Variants in TXNL1 observed in about 807,000 individuals in gnomAD.
TXNL1 encodes the protein thioredoxin-like protein 1.
In TXNL1, 14 loss-of-function variants were observed where a neutral mutation model predicts 35.5. The observed-to-expected ratio is 0.39, with a 90% CI of 0.26 to 0.62. The LOEUF is 0.62. TXNL1 is among the 20% of genes least tolerant of loss of function. The pLI, the probability that TXNL1 is intolerant of heterozygous loss-of-function variation, is 0.47. For synonymous variants in TXNL1, 110 were observed against 115.5 expected (o/e 0.95, Z 0.31); for missense variants, 263 against 349.7 (o/e 0.75, Z 1.98).
At chr18:56,620,226 A>G (rs1429004084) in intron 3 of TXNL1, among the ~76,000 whole-genome samples, 1 of 152,132 alleles carries the variant, frequency 6.6e-6, no homozygotes, top group East Asian at 1.9e-4. Flanking sequence ...TCAGCCTCCC[A>G]AAGTGCTGGG....
At chr18:56,637,067 TG>T (rs1188710415) in intron 1 of TXNL1, among the ~76,000 whole-genome samples, 1 of 152,202 alleles carries the variant, frequency 6.6e-6, no homozygotes, top group Non-Finnish European at 1.5e-5. Context: ...GTATATCATA[TG>T]GGTACTCTAG....
At chr18:56,616,199 T>C in intron 5 of TXNL1, 46 bp downstream of exon 5, 1 of 1,538,660 alleles carries the variant, frequency 6.5e-7, no homozygotes, top group Non-Finnish European at 8.9e-7. Context: ...TGCTAACAGT[T>C]CTACAAAGCA....
rs1180901207 is a variant in TXNL1 at position 56,618,129 on chromosome 18, G to A, written c.370-3C>T. 64 of 1,607,622 alleles carry A rather than the reference G, an allele frequency of 4.0e-5. No homozygotes were observed. The highest frequency in any genetic ancestry group is 5.4e-5 in the Non-Finnish European group (64 of 1,177,062). ...TTAATAAAAGGCATTAAATCCATCT[G>A]AAAAAAAATTGCAAGATTTTAGGCA... On this transcript the variant is annotated splice_polypyrimidine_tract_variant and splice_region_variant and intron_variant, in intron 3 of 7. Coordinates refer to ENST00000217515, the MANE Select transcript of TXNL1 (RefSeq NM_004786.3).
In TXNL1 at chr18:56,634,847, C is replaced by A. The variant is rs990887745; in HGVS notation, c.98+3496G>T. 2.6e-5 allele frequency among the ~76,000 whole-genome samples: 4 copies of A among 152,098 alleles called. No individual in the cohort carries two copies. The East Asian group carries it at 7.7e-4, about 29-fold the overall frequency. On this transcript the variant is annotated intron_variant, in intron 1 of 7. Transcript: ENST00000217515. ...AATTTAAAACTCATGCATCAAAGGA[C>A]ACCATCAAGAAAAAGACAACCCAAA...
chr18:56,617,228 C>T (rs1343469431), intron 4 of TXNL1, among the ~76,000 whole-genome samples: 13 of 152,078 alleles, frequency 8.5e-5, no homozygotes, highest in Non-Finnish European at 4.4e-5. Flanking sequence ...TTTAGTTACA[C>T]CAATACTTTT....
rs188152026 is a variant in TXNL1, at chr18:56,629,871, C to T, written c.99-3414G>A. Among the ~76,000 whole-genome samples, 29 of 152,070 alleles carry T rather than the reference C, an allele frequency of 1.9e-4. No individual in the cohort carries two copies. The East Asian group carries it at 5.6e-3, about 29-fold the overall frequency. On this transcript the variant is annotated intron_variant, in intron 1 of 7. Transcript: ENST00000217515. ...AGTTTGTTGGCAAACTACTTGAAAC[C>T]CATGCAATTTTGTAACAAGATCAGT...
chr18:56,626,291 A>G, intron 2 of TXNL1, 70 bp downstream of exon 2: 2 of 1,553,978 alleles, frequency 1.3e-6, no homozygotes, highest in Non-Finnish European at 1.7e-6. Flanking sequence ...AGATAAATGA[A>G]GAATATTAAT....
At chr18:56,635,693 A>G (rs1185401179) in intron 1 of TXNL1, among the ~76,000 whole-genome samples, 1 of 152,154 alleles carries the variant, frequency 6.6e-6, no homozygotes, top group Admixed American at 6.5e-5. Context: ...ATGGATATAG[A>G]ATTTCTGTCT....
chr18:56,638,470 G>C lies in TXNL1; in HGVS notation c.-30C>G, dbSNP rs766466752. On this transcript the variant is annotated 5_prime_UTR_variant, in exon 1 of 8. Transcript: ENST00000217515. ...ACAGAGAGCCCGGCAGGGTGGCCGC[G>C]ACGCCACTGGCTTTGAAACTGAAGG... 1.9e-6 allele frequency: 3 copies of C among 1,598,576 alleles called. No individual in the cohort carries two copies. Among genetic ancestry groups the C allele is most frequent in the Non-Finnish European group, 2.6e-6 (3 of 1,170,648 alleles).
At chr18:56,619,514 G>A (rs2024146536) in intron 3 of TXNL1, among the ~76,000 whole-genome samples, 1 of 143,218 alleles carries the variant, frequency 7.0e-6, no homozygotes, top group Non-Finnish European at 1.5e-5. Flanking sequence ...CTCCAGCCTG[G>A]GGACAGAGCA....
intron 3 of TXNL1, 60 bp from the exon 4 acceptor site, chr18:56,618,186 A>G: frequency 6.5e-7 from 1 of 1,535,754 alleles, no homozygotes; most frequent in Non-Finnish European, 8.9e-7. Flanking sequence ...AAATGTTTAA[A>G]AAATTTAAAT....
rs1441945927 is a variant in TXNL1, at chr18:56,601,381, AC to A, written c.*1645del. 1.3e-5 allele frequency: 2 copies of A among 152,238 alleles called. No individual in the cohort carries two copies. Among genetic ancestry groups the A allele is most frequent in the Admixed American group, 1.3e-4 (2 of 15,280 alleles). 9.4% of individuals were successfully genotyped at this position (152,238 alleles called of 1,614,324 possible). A position where few individuals can be genotyped will look rare whatever the true frequency, so the allele number is the denominator to read the frequency against. ...GAAATTTGTTTCACTGGGTTTTCAAACTATCAAGTATAAATAGGAAAAGGTC... is the reference window on the plus strand; with the variant it reads ...GAAATTTGTTTCACTGGGTTTTCAAATATCAAGTATAAATAGGAAAAGGTC... On this transcript the variant is annotated 3_prime_UTR_variant, in exon 8 of 8. Coordinates refer to ENST00000217515, the MANE Select transcript of TXNL1 (RefSeq NM_004786.3).
At position 56,602,740 on chromosome 18, in the gene TXNL1, C is replaced by CACTT; in HGVS notation, c.*283_*286dup. The stretch of plus-strand genomic sequence containing the variant: ...GGCTTTCAATCAATATACTACCAGA[C>CACTT]ACTTAAGTCTCTACTAAAATCAGAA... On this transcript the variant is annotated 3_prime_UTR_variant, in exon 8 of 8. Transcript: ENST00000217515. 2.0e-6 allele frequency: 1 copy of CACTT among 509,560 alleles called. No individual in the cohort carries two copies. Among genetic ancestry groups the CACTT allele is most frequent in the Non-Finnish European group, 3.5e-6 (1 of 288,430 alleles). The allele number at this position is 509,560 out of a possible 1,614,324, so 31.6% of individuals were successfully genotyped here.
At chr18:56,631,992 T>TG (rs2024379857) in intron 1 of TXNL1, among the ~76,000 whole-genome samples, 1 of 150,674 alleles carries the variant, frequency 6.6e-6, no homozygotes, top group Non-Finnish European at 1.5e-5. Flanking sequence ...AATTAACCAG[T>TG]AAGTAAGAAG....
At position 56,600,477 on chromosome 18, in the gene TXNL1, T is replaced by G. The variant is rs971088716; in HGVS notation, c.*2550A>C. ...ACTGGGGAACAATGTGGGGCAGGTT[T>G]CAACTCTAATTGTTACGTGGCTGCC... On this transcript the variant is annotated 3_prime_UTR_variant, in exon 8 of 8. Transcript: ENST00000217515. 1 of 150,566 alleles carries G rather than the reference T, an allele frequency of 6.6e-6. No homozygotes were observed. Among genetic ancestry groups the G allele is most frequent in the East Asian group, 2.0e-4 (1 of 5,064 alleles). 9.3% of individuals were successfully genotyped at this position (150,566 alleles called of 1,614,324 possible).
chr18:56,621,551 G>A (rs575645462), intron 3 of TXNL1, among the ~76,000 whole-genome samples: 35 of 152,232 alleles, frequency 2.3e-4, no homozygotes, highest in Admixed American at 2.0e-4. Flanking sequence ...AACTGTCTGG[G>A]ACAAACTGGC....
In TXNL1 at chr18:56,638,396, T is replaced by A. The variant is rs373231427; in HGVS notation, c.45A>T (p.Pro15=). 1 of 1,613,504 alleles carries A rather than the reference T, an allele frequency of 6.2e-7. No homozygotes were observed. The highest frequency in any genetic ancestry group is 8.5e-7 in the Non-Finnish European group (1 of 1,179,792). The change falls in exon 1 of 8, where the codon CCA becomes CCT. Residue 15 remains proline (P), a synonymous_variant. Transcript: ENST00000217515. ...GTCTGGAGCCCGCGCCGCTCAGCTC[T>A]GGCTGGAAATCCGGGTCGCTCCCGA... ...KPVGSDPDFQ[P]ELSGAGSRLA...
chr18:56,633,023 C>T (rs1184714159), intron 1 of TXNL1, among the ~76,000 whole-genome samples: 3 of 152,162 alleles, frequency 2.0e-5, no homozygotes, highest in Non-Finnish European at 4.4e-5. Flanking sequence ...TAGAACTCAA[C>T]ATCCTAATAT....
intron 6 of TXNL1, among the ~76,000 whole-genome samples, chr18:56,613,678 G>A (rs1306407418): frequency 2.6e-5 from 4 of 151,998 alleles, no homozygotes; most frequent in Non-Finnish European, 5.9e-5. Flanking sequence ...GCTGGGTGAG[G>A]TGGCACGTGC....
Sources: allele counts gnomAD v4.1 joint callset (sites outside exome capture counted in the v4.1 genomes callset), GRCh38; gene constraint gnomAD v4.1.1; transcripts MANE v1.5; gene names NCBI Gene and HGNC (gene_info 2026-07-23, HGNC 2026-07-21).